STX8: variants seen among roughly 807,000 people sequenced by gnomAD.
STX8 encodes the protein syntaxin 8, also known as syntaxin-8.
STX8 carries 23 observed loss-of-function variants against 37.5 expected under a neutral mutation model. The ratio of observed to expected loss-of-function variants is 0.61; its 90% CI spans 0.44 to 0.87. The LOEUF (loss-of-function observed/expected upper bound fraction) is 0.87, where lower values mean the gene tolerates loss of function less well. Among genes scored for constraint, STX8 ranks in the 40% least tolerant of loss-of-function variants. The probability of loss-of-function intolerance (pLI) is 0.00; values close to 1 mark genes in which losing one functional copy is unlikely to be tolerated. For synonymous variants in STX8, 115 were observed against 99.1 expected (o/e 1.16, Z -0.95); for missense variants, 313 against 284.7 (o/e 1.10, Z -0.71).
In STX8 at chr17:9,286,686, C is replaced by CAAAA. The variant is rs34274390; in HGVS notation, c.644-36045_644-36042dup. Among the ~76,000 whole-genome samples, 116 of 82,930 alleles carry CAAAA rather than the reference C, an allele frequency of 1.4e-3. 1 individual carries two copies. The highest frequency in any genetic ancestry group is 5.1e-3 in the African/African-American group (110 of 21,730). 54.4% of individuals were successfully genotyped at this position (82,930 alleles called of 152,430 possible). On this transcript the variant is annotated intron_variant, in intron 7 of 7. Coordinates refer to ENST00000306357, the MANE Select transcript of STX8 (RefSeq NM_004853.3). ...AATTGCTTCAGGGAACAAAGGGAAGCAAAAAAAAAAAAAAAAAAGTCCTGT... is the reference window on the plus strand; with the variant it reads ...AATTGCTTCAGGGAACAAAGGGAAGCAAAAAAAAAAAAAAAAAAAAAAGTCCTGT...
chr17:9,502,116 A>C (rs1244296179), intron 5 of STX8, among the ~76,000 whole-genome samples: 3 of 152,224 alleles, frequency 2.0e-5, no homozygotes, highest in Admixed American at 6.5e-5. Context: ...ATGTAAATTT[A>C]CTGCAACCAT....
At chr17:9,381,500 T>C (rs1911817353) in intron 6 of STX8, among the ~76,000 whole-genome samples, 1 of 152,226 alleles carries the variant, frequency 6.6e-6, no homozygotes, top group Non-Finnish European at 1.5e-5. Context: ...TCCTGCTTCT[T>C]GCCTCCTGCA....
At chr17:9,556,769 A>G (rs913596009) in intron 3 of STX8, 21 of 71,632 alleles carry the variant, frequency 2.9e-4, no homozygotes, top group Non-Finnish European at 3.6e-4. Context: ...ATATATATAT[A>G]TATATATATA....
chr17:9,561,390 G>A (rs1907223318), intron 2 of STX8, among the ~76,000 whole-genome samples: 1 of 152,140 alleles, frequency 6.6e-6, no homozygotes, highest in South Asian at 2.1e-4. Flanking sequence ...TGAGCACGGT[G>A]GGTCACGCTT....
chr17:9,256,082 T>C (rs941790878), intron 7 of STX8, among the ~76,000 whole-genome samples: 7 of 152,238 alleles, frequency 4.6e-5, no homozygotes, highest in Non-Finnish European at 8.8e-5. Context: ...GTGCTATGGG[T>C]GTATTACTTG....
chr17:9,333,972 TTTTA>T (rs1432164863), intron 7 of STX8, among the ~76,000 whole-genome samples: 1 of 151,532 alleles, frequency 6.6e-6, no homozygotes, highest in Non-Finnish European at 1.5e-5. Flanking sequence ...GAGACTGGAG[TTTTA>T]TTATTACTCA....
At chr17:9,522,529 C>G (rs1217012364) in intron 4 of STX8, among the ~76,000 whole-genome samples, 2 of 110,312 alleles carry the variant, frequency 1.8e-5, no homozygotes. Context: ...AACTCCGTCT[C>G]TACTAAAAAT....
chr17:9,555,975 C>A (rs777273571), intron 3 of STX8, among the ~76,000 whole-genome samples: 3 of 151,938 alleles, frequency 2.0e-5, no homozygotes, highest in Non-Finnish European at 4.4e-5. Context: ...AAATAAAAAC[C>A]CTTTATATGA....
At chr17:9,347,943 T>C (rs1341125429) in intron 7 of STX8, among the ~76,000 whole-genome samples, 2 of 152,182 alleles carry the variant, frequency 1.3e-5, no homozygotes, top group African/African-American at 4.8e-5. Flanking sequence ...TCAAGGTTCA[T>C]TTATATTTTA....
chr17:9,279,184 A>C (rs1443522895), intron 7 of STX8, among the ~76,000 whole-genome samples: 1 of 151,716 alleles, frequency 6.6e-6, no homozygotes, highest in African/African-American at 2.4e-5. Context: ...CAGCCTCCCA[A>C]GTATTTGGGA....
At chr17:9,458,974 C>T (rs142526576) in intron 6 of STX8, among the ~76,000 whole-genome samples, 1,779 of 152,032 alleles carry the variant, frequency 0.012, 37 homozygotes, top group African/African-American at 0.041. Context: ...GGACTACAGG[C>T]GCCCACCACC....
intron 4 of STX8, among the ~76,000 whole-genome samples, chr17:9,535,972 T>G (rs1458458008): frequency 6.6e-6 from 1 of 152,238 alleles, no homozygotes; most frequent in Non-Finnish European, 1.5e-5. Context: ...AAAAGAATGT[T>G]GCAGAATGCT....
At chr17:9,559,760 A>ATATATATAT in intron 2 of STX8, among the ~76,000 whole-genome samples, 5 of 24,492 alleles carry the variant, frequency 2.0e-4, no homozygotes, top group Non-Finnish European at 2.5e-4. Flanking sequence ...ATATATATAT[A>ATATATATAT]TTTTTTTTTT....
chr17:9,286,102 G>C (rs1359760170), intron 7 of STX8, among the ~76,000 whole-genome samples: 1 of 152,026 alleles, frequency 6.6e-6, no homozygotes, highest in African/African-American at 2.4e-5. Flanking sequence ...GCTTCCCCGT[G>C]AAGTCAGTCT....
chr17:9,432,752 A>G (rs7212094), intron 6 of STX8, among the ~76,000 whole-genome samples: 7,666 of 152,276 alleles, frequency 0.05, 592 homozygotes, highest in African/African-American at 0.17. Flanking sequence ...TTATTTTGCT[A>G]GCTGGTGATA....
chr17:9,426,207 G>A (rs1913622773), intron 6 of STX8, among the ~76,000 whole-genome samples: 1 of 152,176 alleles, frequency 6.6e-6, no homozygotes, highest in African/African-American at 2.4e-5. Context: ...GCTGAGGCAG[G>A]AGGACTGCTT....
chr17:9,471,030 G>A (rs1186686607), intron 6 of STX8, among the ~76,000 whole-genome samples: 1 of 35,534 alleles, frequency 2.8e-5, no homozygotes, highest in African/African-American at 1.0e-4. Context: ...ACTGCATCCT[G>A]CTTTTTTTTT....
chr17:9,261,179 C>T (rs368671278), intron 7 of STX8, among the ~76,000 whole-genome samples: 1 of 151,960 alleles, frequency 6.6e-6, no homozygotes, highest in Non-Finnish European at 1.5e-5. Flanking sequence ...GTCAGGTGGC[C>T]GTGGAGCAGC....
At chr17:9,311,746 T>C (rs780653025) in intron 7 of STX8, among the ~76,000 whole-genome samples, 6 of 152,238 alleles carry the variant, frequency 3.9e-5, no homozygotes, top group African/African-American at 1.2e-4. Flanking sequence ...CCCTATCTCA[T>C]TGGATGGTTG....
Sources: gnomAD v4.1 joint callset for allele counts (sites outside exome capture counted in the v4.1 genomes callset) on GRCh38, gnomAD v4.1.1 for gene constraint, MANE v1.5 for transcripts, NCBI Gene and HGNC (gene_info 2026-07-23, HGNC 2026-07-21) for gene names.